The following STAT6 variants were observed in gnomAD, a reference collection of about 807,000 sequenced individuals.
STAT6 encodes signal transducer and activator of transcription 6.
In STAT6, 45 loss-of-function variants were observed where a neutral mutation model predicts 106.3. The observed-to-expected ratio is 0.42, with a 90% CI of 0.33 to 0.54. The LOEUF (loss-of-function observed/expected upper bound fraction) is 0.54, where lower values mean the gene tolerates loss of function less well. Ranked by LOEUF, STAT6 falls within the 20% of genes least tolerant of loss-of-function variation. STAT6 has a pLI of 0.06. For synonymous variants in STAT6, 413 were observed against 413.6 expected (o/e 1.00, Z 0.02); for missense variants, 797 against 1,062.2 (o/e 0.75, Z 3.47).
Position 57,102,694 on chromosome 12 carries a change from G to A in STAT6, c.1305+135C>T, listed in dbSNP as rs2034011748. 12 of 914,942 alleles carry A rather than the reference G, an allele frequency of 1.3e-5. No homozygotes were observed. In the South Asian group the frequency reaches 1.4e-4, roughly 11 times the overall value. The allele number at this position is 914,942 out of a possible 1,614,324, so 56.7% of individuals were successfully genotyped here. A position where few individuals can be genotyped will look rare whatever the true frequency, so the allele number is the denominator to read the frequency against. ...TGGGGTGAAAAGAGGTCAGAAGCAC[G>A]AAAGCAGGCCCATGAGAAAGTGTTA... On this transcript the variant is annotated intron_variant, in intron 12 of 21. Coordinates refer to ENST00000300134, the MANE Select transcript of STAT6 (RefSeq NM_003153.5).
In STAT6 at chr12:57,105,476, G is replaced by A. The variant is rs768889987; in HGVS notation, c.804C>T (p.Leu268=). ...GAGCTCCCGGGGAATACCTGGTGAC[G>A]AGGGTTCTCAGGACTTCATCCAGCC... ...TGRLDEVLRT[L]VTSCFLVEKQ... is the part of the protein sequence containing the mutation. The change falls in exon 8 of 22, where the codon CTC becomes CTT. Residue 268 remains leucine, a synonymous_variant. Transcript: ENST00000300134. 7.4e-6 allele frequency: 12 copies of A among 1,614,058 alleles called. No homozygotes were observed. Among genetic ancestry groups the A allele is most frequent in the South Asian group, 5.5e-5 (5 of 91,084 alleles).
At chr12:57,102,235 G>A (rs989612477) in intron 13 of STAT6, 55 bp downstream of exon 13, 1 of 1,584,436 alleles carries the variant, frequency 6.3e-7, no homozygotes, top group African/African-American at 1.3e-5. Context: ...CAGGCCCTGA[G>A]TGCCCCAGGG....
At chr12:57,102,669 T>C (rs2034008928) in intron 12 of STAT6, among the ~76,000 whole-genome samples, 160 bp downstream of exon 12, 1 of 152,036 alleles carries the variant, frequency 6.6e-6, no homozygotes, top group African/African-American at 2.4e-5. Context: ...TTGTTAAGAC[T>C]GGGGTGAAAA....
At chr12:57,096,783 A>G in intron 21 of STAT6, 22 bp from the exon 22 acceptor site, 2 of 1,613,388 alleles carry the variant, frequency 1.2e-6, no homozygotes, top group Non-Finnish European at 1.7e-6. Context: ...TGGGAGAAGC[A>G]GTGGAGTAGG....
rs776930978 is a variant in STAT6, at chr12:57,102,403, G to A, written c.1399C>T (p.Arg467Trp). 5 of 1,614,110 alleles carry A rather than the reference G, an allele frequency of 3.1e-6. No individual in the cohort carries two copies. The highest frequency in any genetic ancestry group is 2.2e-5 in the East Asian group (1 of 44,872). Residue 467 changes from arginine (R) to tryptophan (W), a missense_variant, in exon 13 of 22, where the codon CGG (arginine) becomes TGG (tryptophan). Arg to Trp is a moderately radical substitution (Grantham distance 101). Around this residue, in one of 4 missense-constraint regions of STAT6, gnomAD observed 222 missense variants for 354.6 expected, o/e 0.63. Coordinates refer to ENST00000300134, the MANE Select transcript of STAT6 (RefSeq NM_003153.5). ...LKFMAEVGTN[R>W]GLLPEHFLFL... ...AGGAAGTGCTCTGGGAGCAGCCCCC[G>A]GTTGGTCCCCACCTCAGCCATGAAC...
chr12:57,108,062 T>A (rs2034382266), intron 2 of STAT6, 101 bp downstream of exon 2: 1 of 776,442 alleles, frequency 1.3e-6, no homozygotes, highest in Non-Finnish European at 2.1e-6. Context: ...GAATAACAGG[T>A]CTCAAGTTCT....
chr12:57,099,591 T>TGGGAACGGAGACTAGTGGGTCTCTC lies in STAT6; in HGVS notation c.1745-152_1745-151insGAGAGACCCACTAGTCTCCGTTCCC. 7.2e-7 allele frequency: 1 copy of TGGGAACGGAGACTAGTGGGTCTCTC among 1,390,192 alleles called. No individual in the cohort carries two copies. Among genetic ancestry groups the TGGGAACGGAGACTAGTGGGTCTCTC allele is most frequent in the Non-Finnish European group, 9.8e-7 (1 of 1,018,982 alleles). The allele number at this position is 1,390,192 out of a possible 1,614,324, so 86.1% of individuals were successfully genotyped here. ...AGGGAGAGAGACCCACTAGTCTCCG[T>TGGGAACGGAGACTAGTGGGTCTCTC]TCCCACAGAGCTCACAGTGAGAAGG... is the stretch of plus-strand genomic sequence containing the variant. On this transcript the variant is annotated intron_variant, in intron 15 of 21. Coordinates refer to ENST00000300134, the MANE Select transcript of STAT6 (RefSeq NM_003153.5). This position sits in a 1 kb window ranked among gnomAD's most constrained non-coding sequence, Gnocchi z 4.7.
chr12:57,098,842 A>G lies in STAT6; in HGVS notation c.2016T>C (p.Leu672=), dbSNP rs2033630741. 1.9e-6 allele frequency: 3 copies of G among 1,613,168 alleles called. No homozygotes were observed. Among genetic ancestry groups the G allele is most frequent in the Non-Finnish European group, 2.5e-6 (3 of 1,179,762 alleles). The change falls in exon 18 of 22, where the codon CTT becomes CTC. Residue 672 remains leucine (L), a synonymous_variant. Transcript: ENST00000300134. ...TCATGGAGGAATCAGGGGCCATTCC[A>G]AGGTCATAAGAAGGCACCATGGTAG... is the stretch of plus-strand genomic sequence containing the variant. The part of the protein sequence containing the change: ...QMPTMVPSYD[L]GMAPDSSMSM...
intron 13 of STAT6, among the ~76,000 whole-genome samples, chr12:57,100,672 G>A (rs1206928676): frequency 2.4e-5 from 1 of 41,546 alleles, no homozygotes; most frequent in Non-Finnish European, 5.0e-5. Context: ...AAGAAAGAAA[G>A]AAAGAAAGAA....
chr12:57,096,963 G>A lies in STAT6; in HGVS notation c.2241C>T (p.Cys747=). The part of the protein sequence containing the change: ...DQPHPQGLLP[C]QPQEHAVSSP... Reference sequence around the variant, plus strand: ...TGGACACAGCATGCTCCTGAGGCTGGCACGGCAGCAGGCCCCTGCCAGGAA... The same window carrying A: ...TGGACACAGCATGCTCCTGAGGCTGACACGGCAGCAGGCCCCTGCCAGGAA... The change falls in exon 21 of 22, where the codon TGC becomes TGT. Residue 747 remains cysteine (C), a synonymous_variant. Transcript: ENST00000300134. The A allele has an allele frequency of 1.9e-6, 3 of 1,613,506 alleles. No individual in the cohort carries two copies. The highest frequency in any genetic ancestry group is 2.5e-6 in the Non-Finnish European group (3 of 1,179,690).
chr12:57,099,184 T>C lies in STAT6; in HGVS notation c.1892-106A>G. ...TGGGGAAGTAAGAGAAGCACAGCTATGAAATAGGGAGTGACATCAGGATGA... is the reference window on the plus strand; with the variant it reads ...TGGGGAAGTAAGAGAAGCACAGCTACGAAATAGGGAGTGACATCAGGATGA... On this transcript the variant is annotated intron_variant, in intron 16 of 21. Coordinates refer to ENST00000300134, the MANE Select transcript of STAT6 (RefSeq NM_003153.5). The surrounding 1 kb of genome is among the most constrained non-coding windows in gnomAD (Gnocchi z 4.7). 6.3e-7 allele frequency: 1 copy of C among 1,594,810 alleles called. No individual in the cohort carries two copies. The highest frequency in any genetic ancestry group is 1.7e-5 in the Admixed American group (1 of 59,940).
Position 57,108,273 on chromosome 12 carries a change from A to G in STAT6, c.6T>C (p.Ser2=). ...GCATCTTGGAGACCAGACCCCACAGAGACATGATCTGGGACTTGGAGGTTG... is the reference window on the plus strand; with the variant it reads ...GCATCTTGGAGACCAGACCCCACAGGGACATGATCTGGGACTTGGAGGTTG... M[S]LWGLVSKMPP... is the part of the protein sequence containing the mutation. The change falls in exon 2 of 22, where the codon TCT becomes TCC. Residue 2 remains serine (S), a synonymous_variant. Transcript: ENST00000300134. The G allele has an allele frequency of 6.2e-7, 1 of 1,605,606 alleles. No homozygotes were observed. The highest frequency in any genetic ancestry group is 8.5e-7 in the Non-Finnish European group (1 of 1,174,092).
chr12:57,098,591 C>T lies in STAT6; in HGVS notation c.2073G>A (p.Gln691=). ...TGGAGTGAGAGTGTGGTGGGTACAC[C>T]TGGGGCCTGGGGAAAGAAAACAGAC... ...SMQLGPDMVP[Q]VYPPHSHSIP... Residue 691 remains glutamine (Q), a synonymous_variant, in exon 19 of 22, where the codon CAG becomes CAA. Coordinates refer to ENST00000300134, the MANE Select transcript of STAT6 (RefSeq NM_003153.5). The T allele has an allele frequency of 6.2e-7, 1 of 1,613,204 alleles. No homozygotes were observed. Among genetic ancestry groups the T allele is most frequent in the African/African-American group, 1.3e-5 (1 of 74,974 alleles).
Position 57,102,894 on chromosome 12 carries a change from C to T in STAT6, c.1240G>A (p.Val414Ile). The T allele has an allele frequency of 1.3e-6, 2 of 1,593,326 alleles. No homozygotes were observed. Among genetic ancestry groups the T allele is most frequent in the Non-Finnish European group, 8.5e-7 (1 of 1,170,194 alleles). Residue 414 changes from valine to isoleucine, a missense_variant, in exon 12 of 22, where the codon GTC becomes ATC. Val to Ile is a conservative substitution (Grantham distance 29). Coordinates refer to ENST00000300134, the MANE Select transcript of STAT6 (RefSeq NM_003153.5). ...QALSLPLVVI[V>I]HGNQDNNAKA... is the part of the protein sequence containing the mutation. Reference sequence around the variant, plus strand: ...GCATTGTTGTCTTGGTTGCCATGGACGATGACCACCAGGGGCAGAGACAGG... The same window carrying T: ...GCATTGTTGTCTTGGTTGCCATGGATGATGACCACCAGGGGCAGAGACAGG...
rs766166885 is a variant in STAT6 at position 57,106,227 on chromosome 12, G to A, written c.644C>T (p.Ala215Val). The change falls in exon 7 of 22, where the codon GCA (alanine) becomes GTA (valine). Residue 215 changes from alanine to valine, a missense_variant. Transcript: ENST00000300134. Reference protein sequence around the residue: ...KRQQQLAGNGAPFEESLAPLQ... With the variant: ...KRQQQLAGNGVPFEESLAPLQ... ...TGGGGCCAGGCTCTCCTCAAACGGTGCGCCATTCCCTGCCAGCTGCTGCTG... is the reference window on the plus strand; with the variant it reads ...TGGGGCCAGGCTCTCCTCAAACGGTACGCCATTCCCTGCCAGCTGCTGCTG... 2 of 1,614,202 alleles carry A rather than the reference G, an allele frequency of 1.2e-6. No individual in the cohort carries two copies. Among genetic ancestry groups the A allele is most frequent in the South Asian group, 1.1e-5 (1 of 91,090 alleles).
rs760591117 is a variant in STAT6, at chr12:57,106,690, C to T, written c.478+3G>A. The T allele has an allele frequency of 8.1e-6, 13 of 1,614,024 alleles. No homozygotes were observed. The South Asian group carries it at 9.9e-5, about 12-fold the overall frequency. Reference sequence around the variant, plus strand: ...CACTCCCCAGAACCACCCTGGCCCCCACCTTGGCCAGCCTCAGCCCCCTTC... The same window carrying T: ...CACTCCCCAGAACCACCCTGGCCCCTACCTTGGCCAGCCTCAGCCCCCTTC... On this transcript the variant is annotated splice_donor_region_variant and intron_variant, in intron 5 of 21. Coordinates refer to ENST00000300134, the MANE Select transcript of STAT6 (RefSeq NM_003153.5).
At position 57,096,424 on chromosome 12, in the gene STAT6, G is replaced by A. The variant is rs2033429262; in HGVS notation, c.*148C>T. ...GGCTCCACCCACTGTGCATTCTCCT[G>A]TTAGTCTTTTCCTCCTGACCCAGGA... On this transcript the variant is annotated 3_prime_UTR_variant, in exon 22 of 22. Transcript: ENST00000300134. 1.4e-6 allele frequency: 1 copy of A among 723,026 alleles called. No homozygotes were observed. Among genetic ancestry groups the A allele is most frequent in the Non-Finnish European group, 2.3e-6 (1 of 430,886 alleles). 44.8% of individuals were successfully genotyped at this position (723,026 alleles called of 1,614,324 possible).
Position 57,100,043 on chromosome 12 carries a change from A to G in STAT6, c.1560T>C (p.Gly520=), listed in dbSNP as rs2033719920. Residue 520 remains glycine, a synonymous_variant, in exon 14 of 22, where the codon GGT becomes GGC. Transcript: ENST00000300134. The stretch of plus-strand genomic sequence containing the variant: ...GACAGCGTTTGGTGAGGTCCAGGAC[A>G]CCATCAAACCACTGCCAAAAGGTGA... The part of the protein sequence containing the change: ...RGFTFWQWFD[G]VLDLTKRCLR... The G allele has an allele frequency of 6.2e-7, 1 of 1,611,508 alleles. No individual in the cohort carries two copies. The highest frequency in any genetic ancestry group is 1.3e-5 in the African/African-American group (1 of 74,860).
Position 57,099,776 on chromosome 12 carries a change from C to T in STAT6, c.1735G>A (p.Gly579Ser), listed in dbSNP as rs1417347301. The change falls in exon 15 of 22, where the codon GGC becomes AGC. Residue 579 changes from glycine (G) to serine (S), a missense_variant. Coordinates refer to ENST00000300134, the MANE Select transcript of STAT6 (RefSeq NM_003153.5). This position sits in a 1 kb window ranked among gnomAD's most constrained non-coding sequence, Gnocchi z 4.7. ...GCTGGGGTGGCCTCACCATCCTGGC[C>T]CCGGATGACATGGGCAATGGTGATG... is the stretch of plus-strand genomic sequence containing the variant. ...GGITIAHVIRGQDGSPQIENI... is the reference protein window; with the variant it reads ...GGITIAHVIRSQDGSPQIENI... 1 of 1,613,666 alleles carries T rather than the reference C, an allele frequency of 6.2e-7. No homozygotes were observed. Among genetic ancestry groups the T allele is most frequent in the South Asian group, 1.1e-5 (1 of 91,002 alleles).
Sources: allele counts gnomAD v4.1 joint callset (sites outside exome capture counted in the v4.1 genomes callset), GRCh38; gene constraint gnomAD v4.1.1; regional missense constraint gnomAD v4.1.1; non-coding constraint Gnocchi (gnomAD v3.1); transcripts MANE v1.5; gene names NCBI Gene and HGNC (gene_info 2026-07-23, HGNC 2026-07-21).